SPATA13: variants seen among roughly 807,000 people sequenced by gnomAD.
SPATA13 encodes the protein spermatogenesis-associated protein 13.
In SPATA13, 50 loss-of-function variants were observed where a neutral mutation model predicts 104.0. The observed-to-expected ratio is 0.48, with a 90% CI of 0.38 to 0.61. The LOEUF is 0.61. Among genes scored for constraint, SPATA13 ranks in the 20% least tolerant of loss-of-function variants. The pLI, the probability that SPATA13 is intolerant of heterozygous loss-of-function variation, is 0.00. For synonymous variants in SPATA13, 606 were observed against 667.5 expected (o/e 0.91, Z 1.42); for missense variants, 1,524 against 1,690.6 (o/e 0.90, Z 1.73).
In SPATA13 at chr13:24,019,090, A is replaced by ATTG. The variant is rs776200644; in HGVS notation, c.-112+1391_-112+1392insGTT. Among the ~76,000 whole-genome samples the ATTG allele has an allele frequency of 4.4e-3, 607 of 138,434 alleles. 5 individuals are homozygous for ATTG. Among genetic ancestry groups the ATTG allele is most frequent in the African/African-American group, 0.014 (543 of 38,396 alleles). The allele number at this position is 138,434 out of a possible 152,430, so 90.8% of individuals were successfully genotyped here. On this transcript the variant is annotated intron_variant, in intron 3 of 14. Coordinates refer to the SPATA13 transcript ENST00000424834. ...TTATATGATTCTTATTATTATTATT[A>ATTG]TTATTTTTTTTTTTTTGAGACGGAG...
chr13:24,189,923 A>T (rs1382197817), intron 1 of SPATA13, among the ~76,000 whole-genome samples: 16 of 94,222 alleles, frequency 1.7e-4, no homozygotes, highest in African/African-American at 7.1e-4. Context: ...AATATATATT[A>T]TATAATTATA....
chr13:24,150,329 A>G (rs1882061091), intron 3 of SPATA13, among the ~76,000 whole-genome samples: 1 of 152,162 alleles, frequency 6.6e-6, no homozygotes, highest in African/African-American at 2.4e-5. Flanking sequence ...CCAGTCCCCT[A>G]GAGAGCAGCC....
Position 24,010,764 on chromosome 13 carries a change from G to A in SPATA13, c.-146-6903G>A, listed in dbSNP as rs2765181. The stretch of plus-strand genomic sequence containing the variant: ...GGGGCAATTCACCCAAGGCCTGGAT[G>A]GTGTCTTGGCAAGCAAGGCAGGGCC... On this transcript the variant is annotated intron_variant, in intron 2 of 14. Transcript: ENST00000424834. Among the ~76,000 whole-genome samples, 865 of 152,134 alleles carry A rather than the reference G, an allele frequency of 5.7e-3. 12 individuals carry two copies. The highest frequency in any genetic ancestry group is 0.02 in the African/African-American group (823 of 41,538).
chr13:24,050,376 G>A (rs1038674997), intron 3 of SPATA13, among the ~76,000 whole-genome samples: 3 of 152,144 alleles, frequency 2.0e-5, no homozygotes, highest in Non-Finnish European at 4.4e-5. Flanking sequence ...TTCCCCGCTT[G>A]ACTCATCCTC....
chr13:24,302,392 G>A (rs1877248776), intron 12 of SPATA13, among the ~76,000 whole-genome samples: 1 of 143,156 alleles, frequency 7.0e-6, no homozygotes, highest in South Asian at 2.2e-4. Flanking sequence ...AGCCTGGGAG[G>A]TAGAGATTGC....
intron 3 of SPATA13, among the ~76,000 whole-genome samples, chr13:24,047,217 T>G (rs2137736813): frequency 1.3e-5 from 2 of 152,248 alleles, no homozygotes; most frequent in South Asian, 4.2e-4. Flanking sequence ...AGAATAACAA[T>G]CTTAGGCAAT....
chr13:23,995,429 A>G (rs1002272106), intron 2 of SPATA13, among the ~76,000 whole-genome samples: 1 of 152,186 alleles, frequency 6.6e-6, no homozygotes, highest in African/African-American at 2.4e-5. Flanking sequence ...TTATTTTTAA[A>G]TAACTGATTA....
At chr13:24,169,604 G>C (rs1001977168) in intron 1 of SPATA13, among the ~76,000 whole-genome samples, 1 of 152,200 alleles carries the variant, frequency 6.6e-6, no homozygotes, top group African/African-American at 2.4e-5. Context: ...CCGAGGTCAT[G>C]TGGCTCCGGG....
chr13:24,290,567 C>G (rs1343270818), intron 8 of SPATA13, 85 bp from the exon 9 acceptor site: 2 of 1,026,872 alleles, frequency 1.9e-6, no homozygotes, highest in Non-Finnish European at 3.0e-6. Context: ...AGGAGTGTCC[C>G]TTAGAGAGGG....
intron 1 of SPATA13, among the ~76,000 whole-genome samples, chr13:24,173,424 A>G (rs1184872191): frequency 2.7e-5 from 4 of 149,042 alleles, no homozygotes; most frequent in African/African-American, 7.5e-5. Context: ...GAGATTTTCT[A>G]TGTGGGCAAT....
chr13:24,254,263 A>G (rs1873666713), intron 4 of SPATA13: 2 of 152,210 alleles, frequency 1.3e-5, no homozygotes, highest in Admixed American at 1.3e-4. Context: ...AACAGAGCAG[A>G]GTTCCTAGGT....
intron 3 of SPATA13, among the ~76,000 whole-genome samples, chr13:24,072,326 C>T (rs1879191846): frequency 1.3e-5 from 2 of 152,166 alleles, no homozygotes; most frequent in African/African-American, 4.8e-5. Flanking sequence ...AATCTTTCTA[C>T]CTGGATAAAC....
At chr13:24,213,413 TG>T (rs1871128840) in intron 1 of SPATA13, among the ~76,000 whole-genome samples, 1 of 152,100 alleles carries the variant, frequency 6.6e-6, no homozygotes, top group South Asian at 2.1e-4. Flanking sequence ...ACTACAGGTG[TG>T]GGCCACCATG....
chr13:24,018,085 G>A (rs947466187), intron 3 of SPATA13, among the ~76,000 whole-genome samples: 1 of 152,106 alleles, frequency 6.6e-6, no homozygotes, highest in Non-Finnish European at 1.5e-5. Flanking sequence ...CCTTACACCC[G>A]TGGAAAACCA....
chr13:24,150,907 G>T (rs746518822), intron 3 of SPATA13, among the ~76,000 whole-genome samples: 1 of 152,120 alleles, frequency 6.6e-6, no homozygotes, highest in Non-Finnish European at 1.5e-5. Context: ...CTGTTTAGAT[G>T]TGTTTGCTGT....
At chr13:24,256,371 G>A (rs80142035) in intron 4 of SPATA13, among the ~76,000 whole-genome samples, 2,320 of 152,146 alleles carry the variant, frequency 0.015, 58 homozygotes, top group Admixed American at 0.047. Flanking sequence ...TAAGTGCTTG[G>A]GGTGATGATA....
Position 24,298,378 on chromosome 13 carries a change from G to A in SPATA13, c.3583+643G>A, listed in dbSNP as rs544214752. Among the ~76,000 whole-genome samples, 4 of 152,302 alleles carry A rather than the reference G, an allele frequency of 2.6e-5. No individual in the cohort carries two copies. In the South Asian group the frequency reaches 6.2e-4, roughly 24 times the overall value. On this transcript the variant is annotated intron_variant, in intron 11 of 12. Coordinates refer to ENST00000382108, the MANE Select transcript of SPATA13 (RefSeq NM_001166271.3). ...CCGCATCGTCCATTGCAGTTAAGGC[G>A]ATGGTACTTCACACCCAGTGTTACA...
intron 2 of SPATA13, among the ~76,000 whole-genome samples, chr13:23,992,190 G>A (rs1875447021): frequency 6.6e-6 from 1 of 152,174 alleles, no homozygotes; most frequent in South Asian, 2.1e-4. Flanking sequence ...GTCCAACCAT[G>A]TGCTGTCAAC....
At chr13:24,265,608 A>G (rs1874262932) in intron 4 of SPATA13, among the ~76,000 whole-genome samples, 3 of 152,250 alleles carry the variant, frequency 2.0e-5, no homozygotes, top group African/African-American at 7.2e-5. Flanking sequence ...GTCATTGTCC[A>G]TATGGGAGTT....
Sources: allele counts gnomAD v4.1 joint callset (sites outside exome capture counted in the v4.1 genomes callset), GRCh38; gene constraint gnomAD v4.1.1; transcripts MANE v1.5; gene names NCBI Gene and HGNC (gene_info 2026-07-23, HGNC 2026-07-21).